MSI2: variants seen among roughly 807,000 people sequenced by gnomAD.
The protein encoded by MSI2 is musashi RNA binding protein 2, also known as RNA-binding protein Musashi homolog 2.
A neutral mutation model predicts 45.6 loss-of-function variants in MSI2; 17 were observed. That is an observed-to-expected ratio of 0.37 (90% CI 0.26 to 0.56). MSI2 has a LOEUF of 0.56. Ranked by LOEUF, MSI2 falls within the 20% of genes least tolerant of loss-of-function variation. The pLI is 0.77. For synonymous variants in MSI2, 156 were observed against 158.2 expected (o/e 0.99, Z 0.11); for missense variants, 293 against 444.2 (o/e 0.66, Z 3.06).
intron 6 of MSI2, among the ~76,000 whole-genome samples, chr17:57,434,006 G>A (rs755091806): frequency 1.5e-4 from 23 of 152,114 alleles, no homozygotes; most frequent in African/African-American, 4.1e-4. Flanking sequence ...TGTTTGTTTC[G>A]ATACATGTAT....
At chr17:57,687,382 G>T (rs532295306), downstream of MSI2, among the ~76,000 whole-genome samples, 81 of 152,046 alleles carry the variant, frequency 5.3e-4, no homozygotes, top group African/African-American at 1.7e-3. Context: ...TTTATAAACA[G>T]TAATAAAATG....
chr17:57,660,512 C>T (rs1037437178), intron 11 of MSI2, among the ~76,000 whole-genome samples: 3 of 152,212 alleles, frequency 2.0e-5, no homozygotes, highest in African/African-American at 4.8e-5. Context: ...TGGATAAATA[C>T]TAAGCAGTCT....
chr17:57,619,322 A>G (rs575093300), intron 9 of MSI2, among the ~76,000 whole-genome samples: 1 of 152,360 alleles, frequency 6.6e-6, no homozygotes, highest in Non-Finnish European at 1.5e-5. Flanking sequence ...AGTGCTTCAC[A>G]AGCAGATGTG....
intron 11 of MSI2, 120 bp from the exon 12 acceptor site, chr17:57,674,852 G>A: frequency 7.0e-7 from 1 of 1,433,246 alleles, no homozygotes. Context: ...TCAAGTGTTT[G>A]GCTTGTAATG....
intron 6 of MSI2, among the ~76,000 whole-genome samples, chr17:57,520,071 A>G (rs867578332): frequency 6.6e-6 from 1 of 152,218 alleles, no homozygotes; most frequent in Non-Finnish European, 1.5e-5. Flanking sequence ...AAAAAGAGAA[A>G]AAAAATGGGT....
At chr17:57,367,053 T>C (rs1306524556) in intron 5 of MSI2, among the ~76,000 whole-genome samples, 1 of 152,234 alleles carries the variant, frequency 6.6e-6, no homozygotes, top group Non-Finnish European at 1.5e-5. Context: ...ACTATTGGCT[T>C]GTTTTCCAAG....
intron 5 of MSI2, among the ~76,000 whole-genome samples, chr17:57,297,636 C>A (rs118100999): frequency 6.6e-6 from 1 of 152,162 alleles, no homozygotes; most frequent in African/African-American, 2.4e-5. Context: ...CTTCCTTTCA[C>A]GAAATATTTC....
intron 6 of MSI2, among the ~76,000 whole-genome samples, chr17:57,461,138 C>G (rs1012828127): frequency 4.6e-5 from 7 of 152,126 alleles, no homozygotes; most frequent in African/African-American, 1.7e-4. Context: ...AGCTTGTGCC[C>G]ATGGGGTCTG....
chr17:57,699,178 A>T, the MSI2 span, among the ~76,000 whole-genome samples: 40 of 20,398 alleles, frequency 2.0e-3, 13 homozygotes, highest in South Asian at 4.4e-3. Flanking sequence ...AGAGAGAGAG[A>T]GAGAGTGTGT....
At chr17:57,305,131 C>T (rs1374093140) in intron 5 of MSI2, among the ~76,000 whole-genome samples, 1 of 152,160 alleles carries the variant, frequency 6.6e-6, no homozygotes, top group Non-Finnish European at 1.5e-5. Context: ...TAGGTGGCCC[C>T]AGCCTTTAGG....
At chr17:57,336,985 C>T (rs1214246753) in intron 5 of MSI2, among the ~76,000 whole-genome samples, 5 of 152,122 alleles carry the variant, frequency 3.3e-5, no homozygotes, top group Admixed American at 2.0e-4. Context: ...CTTCGCCTTC[C>T]GGGATCCCTT....
At chr17:57,278,127 G>C (rs1202823927) in intron 5 of MSI2, 1 of 152,356 alleles carries the variant, frequency 6.6e-6, no homozygotes, top group African/African-American at 2.4e-5. Context: ...GAGCCAAGGA[G>C]GTTGAGGCTG....
chr17:57,613,071 T>TC (rs577746020), intron 8 of MSI2, among the ~76,000 whole-genome samples: 2 of 152,094 alleles, frequency 1.3e-5, no homozygotes, highest in South Asian at 2.1e-4. Flanking sequence ...CAATCACCTT[T>TC]CCCCCCTACC....
At chr17:57,297,699 T>C (rs573496910) in intron 5 of MSI2, among the ~76,000 whole-genome samples, 220 of 152,352 alleles carry the variant, frequency 1.4e-3, no homozygotes, top group Non-Finnish European at 2.3e-3. Flanking sequence ...AGAACTTCTT[T>C]CAAGATTGCA....
At chr17:57,639,666 C>T (rs1252441720) in intron 10 of MSI2, among the ~76,000 whole-genome samples, 1 of 152,240 alleles carries the variant, frequency 6.6e-6, no homozygotes, top group East Asian at 1.9e-4. Flanking sequence ...CCTGCTGCCC[C>T]ACCCTGAGTC....
At chr17:57,358,204 G>GTGT (rs1555586786) in intron 5 of MSI2, among the ~76,000 whole-genome samples, 2 of 72,466 alleles carry the variant, frequency 2.8e-5, no homozygotes, top group Admixed American at 1.7e-4. Context: ...TGTGTGGGGG[G>GTGT]GTGTGTGTGT....
chr17:57,512,977 T>TTTTTC (rs1567869642), intron 6 of MSI2, among the ~76,000 whole-genome samples: 6,511 of 144,446 alleles, frequency 0.045, 509 homozygotes, highest in African/African-American at 0.16. Context: ...CCTTTTTTTT[T>TTTTTC]TTTTTTTTCC....
At chr17:57,523,352 T>C (rs2086633813) in intron 6 of MSI2, among the ~76,000 whole-genome samples, 1 of 152,166 alleles carries the variant, frequency 6.6e-6, no homozygotes, top group Non-Finnish European at 1.5e-5. Context: ...CCGGCCTGCA[T>C]TGCGTCTTTA....
chr17:57,556,268 C>A (rs2087433584), intron 7 of MSI2, among the ~76,000 whole-genome samples: 1 of 152,148 alleles, frequency 6.6e-6, no homozygotes. Context: ...GGCTTGCTCG[C>A]TTTTCCCCTC....
Sources: gnomAD v4.1 joint callset for allele counts (sites outside exome capture counted in the v4.1 genomes callset) on GRCh38, gnomAD v4.1.1 for gene constraint, MANE v1.5 for transcripts, NCBI Gene and HGNC (gene_info 2026-07-23, HGNC 2026-07-21) for gene names.